The following FSTL4 variants were observed in gnomAD, a reference collection of about 807,000 sequenced individuals.
The protein encoded by FSTL4 is follistatin like 4, also known as follistatin-related protein 4.
A neutral mutation model predicts 78.2 loss-of-function variants in FSTL4; 28 were observed. That is an observed-to-expected ratio of 0.36 (90% confidence interval 0.27 to 0.49). FSTL4 has a LOEUF of 0.49. Among genes scored for constraint, FSTL4 ranks in the 20% least tolerant of loss-of-function variants. The probability of loss-of-function intolerance (pLI) is 0.98; values close to 1 mark genes in which losing one functional copy is unlikely to be tolerated. For synonymous variants in FSTL4, 422 were observed against 440.5 expected (o/e 0.96, Z 0.53); for missense variants, 922 against 1,084.9 (o/e 0.85, Z 2.11).
chr5:133,199,101 C>A lies in FSTL4; in HGVS notation c.2523G>T (p.Glu841Asp), dbSNP rs1038829351. 5 of 1,534,712 alleles carry A rather than the reference C, an allele frequency of 3.3e-6. No homozygotes were observed. The highest frequency in any genetic ancestry group is 4.4e-6 in the Non-Finnish European group (5 of 1,137,610). Residue 841 changes from glutamate to aspartate, a missense_variant, in exon 16 of 16, where the codon GAG becomes GAT. Coordinates refer to ENST00000265342, the MANE Select transcript of FSTL4 (RefSeq NM_015082.2). This position sits in a 1 kb window ranked among gnomAD's most constrained non-coding sequence, Gnocchi z 4.4. ...KGGTTVVWVG[E>D]V is the part of the protein sequence containing the mutation. Reference sequence around the variant, plus strand: ...GGGCTCTGCTCTGGGCCCTTCATACCTCACCCACCCACACCACTGTGGTCC... The same window carrying A: ...GGGCTCTGCTCTGGGCCCTTCATACATCACCCACCCACACCACTGTGGTCC...
chr5:133,460,232 G>C (rs751945929), intron 3 of FSTL4, among the ~76,000 whole-genome samples: 1 of 151,942 alleles, frequency 6.6e-6, no homozygotes, highest in Non-Finnish European at 1.5e-5. Flanking sequence ...TGCTTTGTGC[G>C]TTTTGTCCAA....
chr5:133,279,910 G>A (rs1032783943), intron 6 of FSTL4, among the ~76,000 whole-genome samples: 5 of 152,178 alleles, frequency 3.3e-5, no homozygotes, highest in Non-Finnish European at 2.9e-5. Context: ...AGAAGACATG[G>A]GGGACAAAGA....
chr5:133,420,388 T>G (rs571288129), intron 3 of FSTL4, among the ~76,000 whole-genome samples: 2 of 152,376 alleles, frequency 1.3e-5, no homozygotes, highest in East Asian at 3.8e-4. Context: ...TACCTCAATT[T>G]TAAAATAATT....
At chr5:133,543,227 C>CT (rs1216502343) in intron 3 of FSTL4, among the ~76,000 whole-genome samples, 2 of 151,746 alleles carry the variant, frequency 1.3e-5, no homozygotes, top group Admixed American at 1.3e-4. Flanking sequence ...ATTTTTTTAT[C>CT]TTTTTGTAGA....
At chr5:133,460,495 C>CT (rs1220966641) in intron 3 of FSTL4, among the ~76,000 whole-genome samples, 3 of 152,232 alleles carry the variant, frequency 2.0e-5, no homozygotes. Context: ...ACACACATTT[C>CT]TTTTCTTTCT....
At chr5:133,680,152 T>C in the FSTL4 span, among the ~76,000 whole-genome samples, 1 of 152,200 alleles carries the variant, frequency 6.6e-6, no homozygotes, top group South Asian at 2.1e-4. Flanking sequence ...TTCCACAGCA[T>C]GGCATGGTCT....
chr5:133,306,631 T>A (rs919675405), intron 6 of FSTL4, among the ~76,000 whole-genome samples: 1 of 152,228 alleles, frequency 6.6e-6, no homozygotes, highest in African/African-American at 2.4e-5. Context: ...GCACTTCCTC[T>A]GCCCCTGTTT....
At chr5:133,285,205 CT>C (rs1429352831) in intron 6 of FSTL4, among the ~76,000 whole-genome samples, 2 of 152,194 alleles carry the variant, frequency 1.3e-5, no homozygotes, top group Non-Finnish European at 2.9e-5. Flanking sequence ...GGGCAGGGCA[CT>C]GTTTGAAAGA....
intron 8 of FSTL4, among the ~76,000 whole-genome samples, chr5:133,229,902 T>C (rs1008140198): frequency 5.3e-5 from 8 of 152,156 alleles, no homozygotes; most frequent in Non-Finnish European, 8.8e-5. Context: ...GATTCAAGAA[T>C]GAACCATGAG....
At chr5:133,607,449 C>G (rs376408507) in intron 1 of FSTL4, among the ~76,000 whole-genome samples, 3 of 152,186 alleles carry the variant, frequency 2.0e-5, no homozygotes, top group South Asian at 4.1e-4. Flanking sequence ...CCTTTTTCTA[C>G]TCCATGATGG....
At chr5:133,215,737 A>G (rs1020862152) in intron 13 of FSTL4, among the ~76,000 whole-genome samples, 8 of 152,322 alleles carry the variant, frequency 5.3e-5, no homozygotes, top group South Asian at 2.1e-4. Context: ...GTTCTAGGGG[A>G]GAGTATGGTT....
At chr5:133,483,113 A>T (rs1561734735) in intron 3 of FSTL4, among the ~76,000 whole-genome samples, 1 of 152,032 alleles carries the variant, frequency 6.6e-6, no homozygotes, top group South Asian at 2.1e-4. Flanking sequence ...GACTTATATG[A>T]GATCTGATGG....
intron 4 of FSTL4, among the ~76,000 whole-genome samples, chr5:133,332,676 C>T (rs1754375958): frequency 6.6e-6 from 1 of 152,168 alleles, no homozygotes; most frequent in Admixed American, 6.5e-5. Flanking sequence ...TTAAAATATT[C>T]ATAAAGAACT....
intron 3 of FSTL4, among the ~76,000 whole-genome samples, chr5:133,498,011 A>G (rs1361456719): frequency 2.6e-5 from 4 of 152,060 alleles, no homozygotes; most frequent in Non-Finnish European, 5.9e-5. Context: ...CATGGCACCC[A>G]GCCTACACAC....
chr5:133,410,409 C>A (rs1357783179), intron 3 of FSTL4, among the ~76,000 whole-genome samples: 1 of 152,228 alleles, frequency 6.6e-6, no homozygotes, highest in Non-Finnish European at 1.5e-5. Context: ...TCTCCACGGT[C>A]TGCACCGTCT....
At chr5:133,263,017 G>A (rs1268344405) in intron 6 of FSTL4, among the ~76,000 whole-genome samples, 7 of 152,220 alleles carry the variant, frequency 4.6e-5, no homozygotes, top group African/African-American at 7.2e-5. Flanking sequence ...GGTGCTGGGG[G>A]CAGACTGATT....
intron 2 of FSTL4, among the ~76,000 whole-genome samples, chr5:133,572,522 T>C (rs1442124147): frequency 2.0e-5 from 3 of 151,982 alleles, no homozygotes; most frequent in Admixed American, 1.3e-4. Context: ...AAATTAACAC[T>C]AAGAGCAATA....
rs1425694587 is a variant in FSTL4, at chr5:133,350,337, ACCAGCACTGCTG to A, written c.410-33697_410-33686del. ...GCACTGAGACAAACCCCTTCTGGGG[ACCAGCACTGCTG>A]TGCCCGCTGGGGCCCCAGTCTGCCC... On this transcript the variant is annotated intron_variant, in intron 4 of 15. Transcript: ENST00000265342. Among the ~76,000 whole-genome samples the A allele has an allele frequency of 3.6e-5, 4 of 110,292 alleles. No individual in the cohort carries two copies. In the East Asian group the frequency reaches 1.4e-3, roughly 38 times the overall value. The allele number at this position is 110,292 out of a possible 152,430, so 72.4% of individuals were successfully genotyped here.
intron 3 of FSTL4, among the ~76,000 whole-genome samples, chr5:133,521,074 T>C (rs1485017120): frequency 6.6e-6 from 1 of 152,178 alleles, no homozygotes; most frequent in Non-Finnish European, 1.5e-5. Context: ...TCACTGTTCC[T>C]TCCTAGGGCA....
Sources: allele counts gnomAD v4.1 joint callset (sites outside exome capture counted in the v4.1 genomes callset), GRCh38; gene constraint gnomAD v4.1.1; non-coding constraint Gnocchi (gnomAD v3.1); transcripts MANE v1.5; gene names NCBI Gene and HGNC (gene_info 2026-07-23, HGNC 2026-07-21).